Variants in VWC2 observed in about 807,000 individuals in gnomAD.
VWC2 encodes von Willebrand factor C domain containing 2, also known as brorin.
In VWC2, 14 loss-of-function variants were observed where a neutral mutation model predicts 29.8. The ratio of observed to expected loss-of-function variants is 0.47; its 90% confidence interval spans 0.31 to 0.74. VWC2 has a LOEUF of 0.74. VWC2 is among the 30% of genes least tolerant of loss of function. The pLI is 0.05. For missense variants in VWC2, 457 were observed against 459.8 expected (o/e 0.99, Z 0.05); for synonymous variants, 213 against 199.0 (o/e 1.07, Z -0.59).
intron 2 of VWC2, among the ~76,000 whole-genome samples, chr7:49,799,796 A>G (rs1167887136): frequency 6.6e-6 from 1 of 152,214 alleles, no homozygotes; most frequent in Non-Finnish European, 1.5e-5. Flanking sequence ...CCTAGGTTAT[A>G]TGGTATATCC....
At chr7:49,870,418 A>G (rs1015438499) in intron 3 of VWC2, among the ~76,000 whole-genome samples, 2 of 152,148 alleles carry the variant, frequency 1.3e-5, no homozygotes, top group Non-Finnish European at 2.9e-5. Flanking sequence ...AAAAAAATAA[A>G]AATTGTCTAT....
intron 3 of VWC2, among the ~76,000 whole-genome samples, chr7:49,887,514 A>G (rs968114806): frequency 9.3e-6 from 1 of 107,964 alleles, no homozygotes; most frequent in Non-Finnish European, 1.9e-5. Flanking sequence ...ATTGTGGGGT[A>G]TTAGATAACA....
chr7:49,873,775 A>G (rs1294299855), intron 3 of VWC2, among the ~76,000 whole-genome samples: 1 of 152,234 alleles, frequency 6.6e-6, no homozygotes, highest in African/African-American at 2.4e-5. Flanking sequence ...AAAAATACAA[A>G]ATAGAAACAG....
rs1276199168 is a variant in VWC2, at chr7:49,919,618, C to A, written c.*7433C>A. 3 of 152,124 alleles carry A rather than the reference C, an allele frequency of 2.0e-5. No homozygotes were observed. In the East Asian group the frequency reaches 5.8e-4, roughly 29 times the overall value. The allele number at this position is 152,124 out of a possible 1,614,324, so 9.4% of individuals were successfully genotyped here. ...ATAGATTAATTATAAAAATAATCTA[C>A]CCATGTTACATAATGTTAAATCTGT... On this transcript the variant is annotated 3_prime_UTR_variant, in exon 4 of 4. Transcript: ENST00000340652.
At chr7:49,873,557 T>C (rs747783138) in intron 3 of VWC2, among the ~76,000 whole-genome samples, 63 of 152,192 alleles carry the variant, frequency 4.1e-4, no homozygotes, top group Non-Finnish European at 7.2e-4. Context: ...AAAGAAATGA[T>C]GGTGCACACA....
Position 49,776,037 on chromosome 7 carries a change from A to G in VWC2, c.602A>G (p.His201Arg). 6.5e-7 allele frequency: 1 copy of G among 1,547,432 alleles called. No homozygotes were observed. The highest frequency in any genetic ancestry group is 8.7e-7 in the Non-Finnish European group (1 of 1,152,188). The change falls in exon 2 of 4, where the codon CAC becomes CGC. Residue 201 changes from histidine to arginine, a missense_variant. Physicochemically the swap from His to Arg is conservative, Grantham distance 29. Transcript: ENST00000340652. ...CCGAGGCTGCACCCGCGCTGCATCC[A>G]CGTCGACACGAGCCAGTGCTGCCCG... ...ECPRLHPRCI[H>R]VDTSQCCPQC...
chr7:49,852,599 A>G lies in VWC2; in HGVS notation c.826+49759A>G, dbSNP rs113324326. Among the ~76,000 whole-genome samples the G allele has an allele frequency of 1.8e-3, 269 of 152,114 alleles. 3 individuals are homozygous for G. Among genetic ancestry groups the G allele is most frequent in the African/African-American group, 6.1e-3 (252 of 41,486 alleles). On this transcript the variant is annotated intron_variant, in intron 3 of 3. Transcript: ENST00000340652. Reference sequence around the variant, plus strand: ...TTTCCTGTTTCTGTGGCTTTTTGAGAAGTGATGTTTGTGAGGAGTGAGGGG... The same window carrying G: ...TTTCCTGTTTCTGTGGCTTTTTGAGGAGTGATGTTTGTGAGGAGTGAGGGG...
intron 3 of VWC2, among the ~76,000 whole-genome samples, chr7:49,847,074 T>A (rs1459379772): frequency 6.6e-6 from 1 of 152,142 alleles, no homozygotes; most frequent in Non-Finnish European, 1.5e-5. Context: ...TGGCTTGTTA[T>A]TTGCAAAGTT....
rs1789675819 is a variant in VWC2 at position 49,836,772 on chromosome 7, A to T, written c.826+33932A>T. The stretch of plus-strand genomic sequence containing the variant: ...CTTTTAGGTTTTTTGTATGCAAATA[A>T]TATAGATACATTACAAAAGAAACCA... On this transcript the variant is annotated intron_variant, in intron 3 of 3. Coordinates refer to ENST00000340652, the MANE Select transcript of VWC2 (RefSeq NM_198570.5). Among the ~76,000 whole-genome samples, 3 of 152,330 alleles carry T rather than the reference A, an allele frequency of 2.0e-5. No homozygotes were observed. The South Asian group carries it at 6.2e-4, about 32-fold the overall frequency.
chr7:49,895,734 T>C (rs1477358734), intron 3 of VWC2, among the ~76,000 whole-genome samples: 2 of 151,714 alleles, frequency 1.3e-5, no homozygotes, highest in African/African-American at 4.9e-5. Flanking sequence ...TCTGCCTGCA[T>C]ATTTCTTGTA....
intron 3 of VWC2, among the ~76,000 whole-genome samples, chr7:49,898,868 A>G (rs1792543293): frequency 6.6e-6 from 1 of 152,118 alleles, no homozygotes; most frequent in South Asian, 2.1e-4. Context: ...CTAAGAAAGA[A>G]GAAAAATAGA....
chr7:49,870,602 C>T (rs1791108950), intron 3 of VWC2, among the ~76,000 whole-genome samples: 1 of 152,132 alleles, frequency 6.6e-6, no homozygotes, highest in African/African-American at 2.4e-5. Context: ...GTAGGATTTT[C>T]ACACCTGCAC....
chr7:49,859,960 T>C (rs1233552027), intron 3 of VWC2, among the ~76,000 whole-genome samples: 1 of 151,710 alleles, frequency 6.6e-6, no homozygotes, highest in African/African-American at 2.4e-5. Flanking sequence ...ATGTGTTTAC[T>C]TATGTATAAA....
At chr7:49,889,407 T>C (rs1056879836) in intron 3 of VWC2, among the ~76,000 whole-genome samples, 4 of 152,236 alleles carry the variant, frequency 2.6e-5, no homozygotes, top group African/African-American at 9.7e-5. Flanking sequence ...CTTTCCCACA[T>C]ACTTGAAATT....
At chr7:49,818,023 G>A (rs753595125) in intron 3 of VWC2, among the ~76,000 whole-genome samples, 1 of 152,164 alleles carries the variant, frequency 6.6e-6, no homozygotes, top group Non-Finnish European at 1.5e-5. Context: ...CACCTGATGA[G>A]CAGGCTAAGG....
intron 3 of VWC2, among the ~76,000 whole-genome samples, chr7:49,835,622 C>T (rs1290429855): frequency 6.6e-6 from 1 of 152,176 alleles, no homozygotes; most frequent in Non-Finnish European, 1.5e-5. Context: ...AAAAAAGAAA[C>T]TTGGAGCCTA....
intron 3 of VWC2, among the ~76,000 whole-genome samples, chr7:49,898,651 C>A (rs1455304881): frequency 6.6e-6 from 1 of 151,834 alleles, no homozygotes; most frequent in Non-Finnish European, 1.5e-5. Flanking sequence ...ATATACATAA[C>A]CTACATAAGC....
At chr7:49,875,914 T>C (rs1481135932) in intron 3 of VWC2, among the ~76,000 whole-genome samples, 5 of 152,182 alleles carry the variant, frequency 3.3e-5, no homozygotes, top group African/African-American at 1.2e-4. Context: ...TGATATCTAA[T>C]AAATAGTGGT....
At chr7:49,855,380 A>G (rs1348031971) in intron 3 of VWC2, among the ~76,000 whole-genome samples, 1 of 152,022 alleles carries the variant, frequency 6.6e-6, no homozygotes, top group Non-Finnish European at 1.5e-5. Context: ...TAGGTGGTAT[A>G]TTTACATGAC....
Sources: allele counts gnomAD v4.1 joint callset (sites outside exome capture counted in the v4.1 genomes callset), GRCh38; gene constraint gnomAD v4.1.1; transcripts MANE v1.5; gene names NCBI Gene and HGNC (gene_info 2026-07-23, HGNC 2026-07-21).